The following CT47C1 variants were observed in gnomAD, a reference collection of about 807,000 sequenced individuals.
CT47C1 encodes the protein cancer/testis antigen family 47 member C1.
At chrX:119,073,778 C>A in the CT47C1 span, 1 of 838,124 alleles carries the variant, frequency 1.2e-6, no homozygotes, top group Non-Finnish European at 1.7e-6. Flanking sequence ...GGCCGCGGGT[C>A]CTGAGGGCGA....
the CT47C1 span, chrX:119,074,194 G>A: frequency 2.5e-6 from 1 of 394,857 alleles, no homozygotes; most frequent in Non-Finnish European, 4.3e-6. Flanking sequence ...TGGGGGTCGG[G>A]CCTCGGGTGG....
the CT47C1 span, among the ~76,000 whole-genome samples, chrX:119,076,032 T>C: frequency 8.9e-5 from 10 of 112,592 alleles, no homozygotes; most frequent in African/African-American, 3.2e-4. Flanking sequence ...AAGGTGTTCT[T>C]CTCTACTTGT....
At chrX:119,073,707 C>A in the CT47C1 span, 10 of 699,950 alleles carry the variant, frequency 1.4e-5, 1 homozygote, top group African/African-American at 1.3e-4. Flanking sequence ...CGCCGCACTG[C>A]GGCGCCCAGT....
the CT47C1 span, chrX:119,073,179 G>A: frequency 3.7e-3 from 1,714 of 458,608 alleles, 22 homozygotes; most frequent in African/African-American, 0.036. Flanking sequence ...CTTCACCGTT[G>A]TCACCTCAGC....
the CT47C1 span, chrX:119,074,006 G>A: frequency 3.0e-3 from 1,932 of 636,171 alleles, 27 homozygotes; most frequent in African/African-American, 0.036. Context: ...AGAGGAACCG[G>A]CCAAAGAGGA....
the CT47C1 span, chrX:119,073,294 G>A: frequency 9.8e-4 from 491 of 502,478 alleles, 2 homozygotes; most frequent in African/African-American, 9.8e-3. Flanking sequence ...AGGAGGGAGC[G>A]CAGGCCGAGG....
At chrX:119,073,634 C>T in the CT47C1 span, 1 of 568,150 alleles carries the variant, frequency 1.8e-6, no homozygotes, top group South Asian at 2.6e-5. Flanking sequence ...CTCCCTTCTC[C>T]TCCGCATCTA....
At chrX:119,073,930 C>G in the CT47C1 span, 1 of 808,525 alleles carries the variant, frequency 1.2e-6, no homozygotes, top group Non-Finnish European at 1.8e-6. Flanking sequence ...CAGAAGAGCC[C>G]GCAGAGGAGG....
the CT47C1 span, chrX:119,073,133 C>T: frequency 4.8e-6 from 2 of 417,218 alleles, no homozygotes; most frequent in Non-Finnish European, 8.2e-6. Context: ...CAGCCCCTCA[C>T]CTCCCCTCAG....
chrX:119,075,731 CTT>C, the CT47C1 span, among the ~76,000 whole-genome samples: 4,730 of 86,974 alleles, frequency 0.054, 292 homozygotes, highest in African/African-American at 0.18. Context: ...TTTCTTTTTT[CTT>C]TTTTTTTTTT....
chrX:119,073,281 A>G, the CT47C1 span: 1 of 503,537 alleles, frequency 2.0e-6, no homozygotes, highest in Non-Finnish European at 3.5e-6. Flanking sequence ...GCTCCAGTGA[A>G]CCAGGAGGGA....
the CT47C1 span, chrX:119,074,147 C>T: frequency 2.2e-6 from 1 of 454,414 alleles, no homozygotes; most frequent in Non-Finnish European, 3.8e-6. Context: ...CAGGCAGGGC[C>T]GCGGTGTGCG....
the CT47C1 span, chrX:119,074,113 A>G: frequency 2.1e-6 from 1 of 486,393 alleles, no homozygotes; most frequent in East Asian, 3.3e-5. Context: ...GCGGGGAGAC[A>G]GGGACCCGTG....
chrX:119,073,165 C>T, the CT47C1 span: 1 of 446,771 alleles, frequency 2.2e-6, no homozygotes. Context: ...TCAGTGGCCA[C>T]CGTCTTCACC....
At chrX:119,076,355 A>G in the CT47C1 span, 1 of 112,723 alleles carries the variant, frequency 8.9e-6, no homozygotes, top group Non-Finnish European at 1.9e-5. Context: ...GTTAGAAATA[A>G]AAGTTTGTTT....
chrX:119,074,855 C>T, the CT47C1 span: 1 of 854,759 alleles, frequency 1.2e-6, no homozygotes, highest in Non-Finnish European at 1.6e-6. Flanking sequence ...GTCTATCCTC[C>T]TGCTTCTCCT....
chrX:119,075,685 T>G, the CT47C1 span, among the ~76,000 whole-genome samples: 1 of 111,692 alleles, frequency 9.0e-6, no homozygotes, highest in Non-Finnish European at 1.9e-5. Context: ...TCTTAAGGCA[T>G]ATCTGTCTTT....
chrX:119,076,461 T>C, the CT47C1 span: 3 of 112,683 alleles, frequency 2.7e-5, no homozygotes, highest in African/African-American at 9.7e-5. Flanking sequence ...CATACCTTCA[T>C]TGAAAGGTAT....
At chrX:119,074,870 G>A in the CT47C1 span, 1 of 890,329 alleles carries the variant, frequency 1.1e-6, no homozygotes, top group African/African-American at 2.0e-5. Context: ...TCTCCTGAGG[G>A]TGGAGTACTG....
Sources: gnomAD v4.1 joint callset for allele counts (sites outside exome capture counted in the v4.1 genomes callset) on GRCh38, gnomAD v4.1.1 for gene constraint, MANE v1.5 for transcripts, NCBI Gene and HGNC (gene_info 2026-07-23, HGNC 2026-07-21) for gene names.